KCNMA1: variants seen among roughly 807,000 people sequenced by gnomAD.
KCNMA1 encodes the protein potassium calcium-activated channel subfamily M alpha 1.
Under a neutral mutation model 140.0 loss-of-function variants are expected in KCNMA1, and 29 were observed. That is an observed-to-expected ratio of 0.21 (90% CI 0.15 to 0.28). The LOEUF (loss-of-function observed/expected upper bound fraction) is 0.28, where lower values mean the gene tolerates loss of function less well. KCNMA1 is among the 10% of genes least tolerant of loss of function. The pLI is 1.00. For synonymous variants in KCNMA1, 612 were observed against 611.9 expected (o/e 1.00, Z 0.00); for missense variants, 880 against 1,602.2 (o/e 0.55, Z 7.70).
intron 3 of KCNMA1, among the ~76,000 whole-genome samples, chr10:77,220,765 A>T (rs1041223423): frequency 2.7e-5 from 4 of 147,356 alleles, no homozygotes; most frequent in African/African-American, 9.9e-5. Context: ...AGTTTCTGCT[A>T]AAAAAAGTCT....
intron 1 of KCNMA1, among the ~76,000 whole-genome samples, chr10:77,412,434 C>T (rs1473243030): frequency 6.6e-6 from 1 of 152,212 alleles, no homozygotes; most frequent in Non-Finnish European, 1.5e-5. Flanking sequence ...ATGCTGCTGT[C>T]CTCAACTGGG....
intron 1 of KCNMA1, among the ~76,000 whole-genome samples, chr10:77,487,278 A>T (rs1383366758): frequency 1.3e-5 from 2 of 152,112 alleles, no homozygotes; most frequent in African/African-American, 4.8e-5. Context: ...GTTGCCTGGT[A>T]TGTCAACTGG....
At chr10:77,393,895 G>A (rs531741267) in intron 2 of KCNMA1, among the ~76,000 whole-genome samples, 2 of 152,208 alleles carry the variant, frequency 1.3e-5, no homozygotes, top group African/African-American at 2.4e-5. Context: ...AGACAGGACC[G>A]GCAGAAGCAG....
At chr10:76,939,137 T>G (rs1591336109) in intron 23 of KCNMA1, 1 of 107,504 alleles carries the variant, frequency 9.3e-6, no homozygotes, top group East Asian at 4.0e-4. Flanking sequence ...TTTTTTTTTT[T>G]TGAGATGGAG....
intron 2 of KCNMA1, among the ~76,000 whole-genome samples, chr10:77,357,686 C>T (rs1025248495): frequency 1.3e-5 from 2 of 152,210 alleles, no homozygotes; most frequent in Non-Finnish European, 2.9e-5. Context: ...AAAAGCTTGT[C>T]TTTCTTAAAC....
At chr10:77,244,837 C>A (rs1359658194) in intron 3 of KCNMA1, among the ~76,000 whole-genome samples, 6 of 152,134 alleles carry the variant, frequency 3.9e-5, no homozygotes, top group African/African-American at 1.4e-4. Context: ...TTATTTACAG[C>A]CTCTTTGCCC....
chr10:77,176,402 C>T (rs1384393714), intron 5 of KCNMA1, among the ~76,000 whole-genome samples: 5 of 152,074 alleles, frequency 3.3e-5, no homozygotes, highest in Admixed American at 2.0e-4. Flanking sequence ...GAGTAAGTTG[C>T]GTAAGAACAA....
chr10:76,905,091 A>G (rs1443296686), intron 25 of KCNMA1: 1 of 152,244 alleles, frequency 6.6e-6, no homozygotes, highest in East Asian at 1.9e-4. Flanking sequence ...ATTTTAAAAT[A>G]TTGGCAACAA....
chr10:77,452,206 A>G (rs562422069), intron 1 of KCNMA1, among the ~76,000 whole-genome samples: 111 of 152,194 alleles, frequency 7.3e-4, no homozygotes, highest in African/African-American at 1.9e-3. Flanking sequence ...GGCAATCCAG[A>G]CAGTAAGACT....
Position 76,887,248 on chromosome 10 carries a change from T to C in KCNMA1, c.*18A>G. The C allele has an allele frequency of 3.1e-6, 5 of 1,613,966 alleles. No homozygotes were observed. Among genetic ancestry groups the C allele is most frequent in the Non-Finnish European group, 4.2e-6 (5 of 1,179,992 alleles). On this transcript the variant is annotated 3_prime_UTR_variant, in exon 28 of 28. Coordinates refer to ENST00000286628, the MANE Select transcript of KCNMA1 (RefSeq NM_001161352.2). ...GAGTGGCAGATACAGTTTCACACAG[T>C]GGCGGTGGATACACATATCAAAGCC...
chr10:76,973,213 A>G (rs1314201631), intron 19 of KCNMA1: 3 of 152,232 alleles, frequency 2.0e-5, no homozygotes, highest in Non-Finnish European at 4.4e-5. Flanking sequence ...GATCCTTTAA[A>G]GAAACCTGAC....
chr10:76,930,690 T>C (rs2059043486), intron 23 of KCNMA1, among the ~76,000 whole-genome samples: 1 of 152,222 alleles, frequency 6.6e-6, no homozygotes, highest in African/African-American at 2.4e-5. Context: ...ATTGGAGCAC[T>C]ATTCACAATA....
intron 3 of KCNMA1, among the ~76,000 whole-genome samples, chr10:77,195,093 CAG>C (rs2040014619): frequency 1.3e-5 from 2 of 151,994 alleles, no homozygotes; most frequent in African/African-American, 2.4e-5. Flanking sequence ...TAAGAACACA[CAG>C]AGAAAGACCT....
intron 5 of KCNMA1, among the ~76,000 whole-genome samples, chr10:77,124,523 T>C (rs1467458502): frequency 6.6e-6 from 1 of 152,034 alleles, no homozygotes; most frequent in Non-Finnish European, 1.5e-5. Context: ...ACAAACTGGC[T>C]TGCAGGAGAA....
chr10:77,254,745 A>G (rs1464422428), intron 2 of KCNMA1, among the ~76,000 whole-genome samples: 1 of 152,116 alleles, frequency 6.6e-6, no homozygotes, highest in Non-Finnish European at 1.5e-5. Flanking sequence ...CTACTCTAAT[A>G]TCTCTTCACG....
At chr10:77,038,842 T>A (rs1275215009) in intron 15 of KCNMA1, among the ~76,000 whole-genome samples, 1 of 152,208 alleles carries the variant, frequency 6.6e-6, no homozygotes, top group African/African-American at 2.4e-5. Flanking sequence ...AAGTGAGGAA[T>A]CTGAGGCACT....
chr10:77,584,121 G>A (rs978647178), intron 1 of KCNMA1, among the ~76,000 whole-genome samples: 2 of 152,200 alleles, frequency 1.3e-5, no homozygotes, highest in East Asian at 1.9e-4. Flanking sequence ...TTACAAAAAC[G>A]CAGTGAGCAG....
At chr10:77,019,198 G>T (rs2092541296) in intron 16 of KCNMA1, 99 bp from the exon 17 acceptor site, 17 of 735,162 alleles carry the variant, frequency 2.3e-5, no homozygotes, top group South Asian at 1.9e-4. Flanking sequence ...TTTATAGGGG[G>T]CCCACTAGTC....
chr10:77,118,604 A>G (rs2097532630), intron 6 of KCNMA1, among the ~76,000 whole-genome samples: 1 of 151,756 alleles, frequency 6.6e-6, no homozygotes. Context: ...TTAGAAGTCA[A>G]CCCCCACCCT....
Sources: allele counts gnomAD v4.1 joint callset (sites outside exome capture counted in the v4.1 genomes callset), GRCh38; gene constraint gnomAD v4.1.1; transcripts MANE v1.5; gene names NCBI Gene and HGNC (gene_info 2026-07-23, HGNC 2026-07-21).